MON2: variants seen among roughly 807,000 people sequenced by gnomAD.
The protein encoded by MON2 is protein MON2 homolog.
Under a neutral mutation model 208.6 loss-of-function variants are expected in MON2, and 84 were observed. That is an observed-to-expected ratio of 0.40 (90% confidence interval 0.34 to 0.48). The LOEUF (loss-of-function observed/expected upper bound fraction) is 0.48. Ranked by LOEUF, MON2 falls within the 20% of genes least tolerant of loss-of-function variation. The pLI, the probability that MON2 is intolerant of heterozygous loss-of-function variation, is 0.59. For missense variants in MON2, 1,611 were observed against 2,015.4 expected, an observed-to-expected ratio of 0.80 and a Z score of 3.84; for synonymous variants, 660 against 694.0, an observed-to-expected ratio of 0.95 and a Z score of 0.77.
intron 8 of MON2, among the ~76,000 whole-genome samples, chr12:62,521,991 G>A (rs2072069712): frequency 6.6e-6 from 1 of 152,096 alleles, no homozygotes; most frequent in Non-Finnish European, 1.5e-5. Flanking sequence ...TCAGGAGTCC[G>A]AGACCATCCT....
At chr12:62,554,956 G>A (rs11174545) in intron 24 of MON2, among the ~76,000 whole-genome samples, 53,309 of 151,164 alleles carry the variant, frequency 0.35, 9,522 homozygotes, top group African/African-American at 0.37. Flanking sequence ...CACCACACCC[G>A]GCTAATTTTT....
chr12:62,576,378 C>A (rs562965720), intron 30 of MON2, among the ~76,000 whole-genome samples: 1 of 151,838 alleles, frequency 6.6e-6, no homozygotes, highest in East Asian at 1.9e-4. Flanking sequence ...TCAAAATGTT[C>A]TGGAATTAGA....
At chr12:62,505,620 C>T (rs1367536809) in intron 7 of MON2, among the ~76,000 whole-genome samples, 2 of 152,010 alleles carry the variant, frequency 1.3e-5, no homozygotes, top group Non-Finnish European at 2.9e-5. Flanking sequence ...GTGGCTCACA[C>T]CTGTAATCTT....
At chr12:62,492,507 G>A (rs1230594732) in intron 2 of MON2, among the ~76,000 whole-genome samples, 18 of 149,472 alleles carry the variant, frequency 1.2e-4, no homozygotes, top group African/African-American at 4.1e-4. Context: ...GAGTAGCTGG[G>A]ACTACAGGCG....
At chr12:62,567,521 T>A (rs2074428031) in intron 29 of MON2, among the ~76,000 whole-genome samples, 1 of 152,128 alleles carries the variant, frequency 6.6e-6, no homozygotes, top group Non-Finnish European at 1.5e-5. Flanking sequence ...AATCTTCACA[T>A]CCTCAGTCCT....
chr12:62,578,341 G>T, intron 30 of MON2, 104 bp from the exon 31 acceptor site: 1 of 724,012 alleles, frequency 1.4e-6, no homozygotes, highest in Non-Finnish European at 2.3e-6. Context: ...CCCCAACCTG[G>T]GTTGGAAGAC....
At chr12:62,557,529 G>T (rs780117320) in intron 25 of MON2, among the ~76,000 whole-genome samples, 3 of 152,158 alleles carry the variant, frequency 2.0e-5, no homozygotes, top group Non-Finnish European at 4.4e-5. Flanking sequence ...AATTCTGGTG[G>T]TAATGCTGGT....
chr12:62,467,459 A>G (rs1672150604), intron 1 of MON2, 141 bp downstream of exon 1: 1 of 669,536 alleles, frequency 1.5e-6, no homozygotes, highest in Non-Finnish European at 2.6e-6. Context: ...TTGTTCCACA[A>G]GGGCTTTTTA....
In MON2 at chr12:62,580,291, T is replaced by G. The variant is rs1232377190; in HGVS notation, c.4576-6T>G. On this transcript the variant is annotated splice_polypyrimidine_tract_variant and splice_region_variant and intron_variant, in intron 31 of 34. Coordinates refer to ENST00000393630, the MANE Select transcript of MON2 (RefSeq NM_015026.3). ...AATACATTTGCATTTGCCTCTTTTGTTTTAGGTAGTTCAACTTATCAGCAA... is the reference window on the plus strand; with the variant it reads ...AATACATTTGCATTTGCCTCTTTTGGTTTAGGTAGTTCAACTTATCAGCAA... The G allele has an allele frequency of 2.5e-6, 4 of 1,607,886 alleles. No homozygotes were observed. The Admixed American group carries it at 6.7e-5, about 27-fold the overall frequency.
intron 4 of MON2, among the ~76,000 whole-genome samples, chr12:62,497,896 G>A (rs191093299): frequency 7.2e-5 from 11 of 152,130 alleles, no homozygotes; most frequent in Admixed American, 6.5e-4. Context: ...GTTTACAGGC[G>A]TGAGCCACCA....
intron 7 of MON2, among the ~76,000 whole-genome samples, chr12:62,506,253 T>TC (rs1196379920): frequency 9.2e-5 from 14 of 152,328 alleles, no homozygotes; most frequent in African/African-American, 3.1e-4. Flanking sequence ...ATCACTTATC[T>TC]CTTAAGATCT....
chr12:62,528,664 G>A (rs1188779053), intron 11 of MON2, among the ~76,000 whole-genome samples: 1 of 152,098 alleles, frequency 6.6e-6, no homozygotes, highest in Non-Finnish European at 1.5e-5. Flanking sequence ...AGTTTCTGAT[G>A]TTTTGGATTA....
intron 8 of MON2, among the ~76,000 whole-genome samples, chr12:62,512,103 G>A (rs1388816886): frequency 1.3e-5 from 2 of 152,068 alleles, no homozygotes; most frequent in African/African-American, 2.4e-5. Context: ...CCCACAACAC[G>A]TAGGAATTCA....
intron 34 of MON2, 120 bp from the exon 35 acceptor site, chr12:62,592,466 G>A (rs561975221): frequency 8.2e-6 from 6 of 733,086 alleles, no homozygotes; most frequent in East Asian, 5.5e-5. Flanking sequence ...ATACAAGCTT[G>A]TAGAATCTTC....
At position 62,538,337 on chromosome 12, in the gene MON2, T is replaced by G. The variant is rs778181600; in HGVS notation, c.2273+12T>G. 6.2e-7 allele frequency: 1 copy of G among 1,603,732 alleles called. No homozygotes were observed. The highest frequency in any genetic ancestry group is 8.5e-7 in the Non-Finnish European group (1 of 1,170,886). Reference sequence around the variant, plus strand: ...TTTGAAAGCTCACAGTAAGAGTCAGTTTTTTTAATTGATAAAAACATTGTT... The same window carrying G: ...TTTGAAAGCTCACAGTAAGAGTCAGGTTTTTTAATTGATAAAAACATTGTT... On this transcript the variant is annotated intron_variant, in intron 18 of 34. Transcript: ENST00000393630.
At chr12:62,494,910 C>A in intron 3 of MON2, 106 bp from the exon 4 acceptor site, 1 of 734,128 alleles carries the variant, frequency 1.4e-6, no homozygotes, top group Non-Finnish European at 2.0e-6. Flanking sequence ...TTATTGTGAT[C>A]AAGAAATCCT....
At chr12:62,578,350 A>G in intron 30 of MON2, 95 bp from the exon 31 acceptor site, 1 of 783,522 alleles carries the variant, frequency 1.3e-6, no homozygotes, top group Non-Finnish European at 2.0e-6. Context: ...GGGTTGGAAG[A>G]CATAATTTTT....
chr12:62,501,875 C>A (rs1053125896), intron 7 of MON2, among the ~76,000 whole-genome samples, 177 bp downstream of exon 7: 3 of 151,906 alleles, frequency 2.0e-5, no homozygotes, highest in African/African-American at 7.2e-5. Context: ...TGCTTGAGCC[C>A]AGGAGTTCGA....
chr12:62,503,177 G>C (rs1053284104), intron 7 of MON2, among the ~76,000 whole-genome samples: 1 of 152,128 alleles, frequency 6.6e-6, no homozygotes, highest in Non-Finnish European at 1.5e-5. Context: ...TGAGATACCA[G>C]TTATCACTGT....
Sources: gnomAD v4.1 joint callset for allele counts (sites outside exome capture counted in the v4.1 genomes callset) on GRCh38, gnomAD v4.1.1 for gene constraint, MANE v1.5 for transcripts, NCBI Gene and HGNC (gene_info 2026-07-23, HGNC 2026-07-21) for gene names.